Variants in ANXA11 observed in about 807,000 individuals in gnomAD.
The protein encoded by ANXA11 is 56 kDa autoantigen.
In ANXA11, 57 loss-of-function variants were observed where a neutral mutation model predicts 64.7. That is an observed-to-expected ratio of 0.88 (90% confidence interval 0.71 to 1.10). ANXA11 has a LOEUF of 1.10. Ranked by LOEUF, ANXA11 falls within the 50% of genes least tolerant of loss-of-function variation. ANXA11 has a pLI of 0.00. For missense variants in ANXA11, 675 were observed against 670.7 expected (o/e 1.01, Z -0.07); for synonymous variants, 260 against 265.2 (o/e 0.98, Z 0.19).
chr10:80,169,329 T>C lies in ANXA11; in HGVS notation c.201A>G (p.Gly67=). The part of the protein sequence containing the change: ...MAANMSGTFG[G]ANMPNLYPGA... ...CAGGGTACAGGTTGGGCATGTTGGC[T>C]CCTCCAAATGTCCCAGACATGTTGG... The change falls in exon 5 of 16, where the codon GGA becomes GGG. Residue 67 remains glycine (G), a synonymous_variant. Coordinates refer to ENST00000422982, the MANE Select transcript of ANXA11 (RefSeq NM_145868.2). The C allele has an allele frequency of 6.2e-7, 1 of 1,608,986 alleles. No homozygotes were observed. Among genetic ancestry groups the C allele is most frequent in the South Asian group, 1.1e-5 (1 of 91,022 alleles).
At chr10:80,185,322 G>A (rs1479099680) in intron 1 of ANXA11, among the ~76,000 whole-genome samples, 3 of 152,218 alleles carry the variant, frequency 2.0e-5, no homozygotes, top group Admixed American at 6.5e-5. Context: ...AGTGCTGCCC[G>A]GAATGTGTTC....
At chr10:80,193,366 A>G (rs2132487239) in intron 1 of ANXA11, among the ~76,000 whole-genome samples, 1 of 152,322 alleles carries the variant, frequency 6.6e-6, no homozygotes, top group African/African-American at 2.4e-5. Flanking sequence ...ACTCTGGAGA[A>G]AGGGAAAGAG....
Position 80,159,163 on chromosome 10 carries a change from C to T in ANXA11, c.1213G>A (p.Asp405Asn), listed in dbSNP as rs778270793. The T allele has an allele frequency of 1.2e-5, 20 of 1,614,160 alleles. No individual in the cohort carries two copies. The East Asian group carries it at 2.0e-4, about 16-fold the overall frequency. ...TCCCGGCAGATGCTCTTCTCAATGTCCCGGCCTGTCATTCTCTGGTACTCA... is the reference window on the plus strand; with the variant it reads ...TCCCGGCAGATGCTCTTCTCAATGTTCCGGCCTGTCATTCTCTGGTACTCA... Reference protein sequence around the residue: ...FNEYQRMTGRDIEKSICREMS... With the variant: ...FNEYQRMTGRNIEKSICREMS... Residue 405 changes from aspartate to asparagine, a missense_variant, in exon 13 of 16, where the codon GAC (aspartate) becomes AAC (asparagine). Physicochemically the swap from Asp to Asn is conservative, Grantham distance 23. Coordinates refer to ENST00000422982, the MANE Select transcript of ANXA11 (RefSeq NM_145868.2).
intron 1 of ANXA11, among the ~76,000 whole-genome samples, chr10:80,201,427 G>C (rs1840416709): frequency 6.6e-6 from 1 of 152,168 alleles, no homozygotes; most frequent in African/African-American, 2.4e-5. Context: ...ACAAATGTCT[G>C]TCTAGCCAAG....
In ANXA11 at chr10:80,169,357, G is replaced by T; in HGVS notation, c.173C>A (p.Ala58Glu). 6.2e-7 allele frequency: 1 copy of T among 1,604,270 alleles called. No homozygotes were observed. Among genetic ancestry groups the T allele is most frequent in the Non-Finnish European group, 8.5e-7 (1 of 1,179,748 alleles). The change falls in exon 5 of 16, where the codon GCG becomes GAG. Residue 58 changes from alanine to glutamate, a missense_variant and splice_region_variant. By Grantham distance (107) the Ala-to-Glu change is moderately radical. Transcript: ENST00000422982. Reference protein sequence around the residue: ...QFNQDYLSGMAANMSGTFGGA... With the variant: ...QFNQDYLSGMEANMSGTFGGA... ...TCCAAATGTCCCAGACATGTTGGCCGCCTGCAAGGACACAAAGCAGAGCCT... is the reference window on the plus strand; with the variant it reads ...TCCAAATGTCCCAGACATGTTGGCCTCCTGCAAGGACACAAAGCAGAGCCT...
chr10:80,157,636 C>G lies in ANXA11; in HGVS notation c.1458+5G>C, dbSNP rs748134350. On this transcript the variant is annotated splice_donor_5th_base_variant and intron_variant, in intron 15 of 15. Coordinates refer to ENST00000422982, the MANE Select transcript of ANXA11 (RefSeq NM_145868.2). Reference sequence around the variant, plus strand: ...GAGCCCAGTTGGCCTGCAGCAGGCCCGTACCGAGATGTCGTGGTACAGCGA... The same window carrying G: ...GAGCCCAGTTGGCCTGCAGCAGGCCGGTACCGAGATGTCGTGGTACAGCGA... 1.2e-6 allele frequency: 2 copies of G among 1,612,234 alleles called. No individual in the cohort carries two copies. Among genetic ancestry groups the G allele is most frequent in the Non-Finnish European group, 1.7e-6 (2 of 1,178,864 alleles).
At chr10:80,176,387 C>T (rs993167027) in intron 1 of ANXA11, among the ~76,000 whole-genome samples, 4 of 152,178 alleles carry the variant, frequency 2.6e-5, no homozygotes, top group African/African-American at 4.8e-5. Context: ...CAGAAACATA[C>T]AAACTAAGTG....
intron 1 of ANXA11, among the ~76,000 whole-genome samples, chr10:80,179,850 C>T: frequency 6.6e-6 from 1 of 152,196 alleles, no homozygotes; most frequent in East Asian, 1.9e-4. Context: ...CACTGGACCG[C>T]CCCATATGTA....
At chr10:80,168,842 T>C (rs2132410462) in intron 5 of ANXA11, 127 bp downstream of exon 5, 1 of 1,131,114 alleles carries the variant, frequency 8.8e-7, no homozygotes, top group Non-Finnish European at 1.2e-6. Flanking sequence ...CGGCCGACAC[T>C]ATTTGTTAAA....
At chr10:80,169,746 G>T (rs935123594) in intron 4 of ANXA11, among the ~76,000 whole-genome samples, 17 of 152,164 alleles carry the variant, frequency 1.1e-4, no homozygotes, top group Admixed American at 1.0e-3. Flanking sequence ...CCTCTGGCAG[G>T]CATGTTCAGG....
rs780271557 is a variant in ANXA11, at chr10:80,164,069, G to C, written c.933C>G (p.Asn311Lys). The C allele has an allele frequency of 1.9e-6, 3 of 1,614,122 alleles. No individual in the cohort carries two copies. In the South Asian group the frequency reaches 3.3e-5, roughly 18 times the overall value. The change falls in exon 9 of 16, where the codon AAC becomes AAG. Residue 311 changes from asparagine to lysine, a missense_variant. Asn to Lys is a moderately conservative substitution (Grantham distance 94). Coordinates refer to ENST00000422982, the MANE Select transcript of ANXA11 (RefSeq NM_145868.2). The part of the protein sequence containing the change: ...SRSNEHIREL[N>K]RAYKAEFKKT... ...CGGCCTCACCTGCTTTGTAGGCTCT[G>C]TTTAATTCTCGGATGTGCTCATTGC...
At chr10:80,164,499 T>C (rs1845648889) in intron 8 of ANXA11, among the ~76,000 whole-genome samples, 1 of 152,058 alleles carries the variant, frequency 6.6e-6, no homozygotes, top group African/African-American at 2.4e-5. Context: ...GGAAGCGAGA[T>C]GACAACAACT....
intron 2 of ANXA11, among the ~76,000 whole-genome samples, chr10:80,173,831 C>T (rs73299535): frequency 2.0e-5 from 3 of 152,160 alleles, no homozygotes; most frequent in African/African-American, 4.8e-5. Context: ...CTGGGTTTCA[C>T]GCTGCAATGC....
rs1402370301 is a variant in ANXA11 at position 80,169,192 on chromosome 10, G to A, written c.338C>T (p.Pro113Leu). The change falls in exon 5 of 16, where the codon CCA (proline) becomes CTA (leucine). Residue 113 changes from proline to leucine, a missense_variant. Coordinates refer to ENST00000422982, the MANE Select transcript of ANXA11 (RefSeq NM_145868.2). ...YGMYPPPGGN[P>L]PSRMPSYPPY... ...CGGATATGAGGGCATCCTGGAGGGT[G>A]GGTTTCCTCCTGGGGGTGGATACAT... 2 of 1,604,040 alleles carry A rather than the reference G, an allele frequency of 1.2e-6. No homozygotes were observed. The highest frequency in any genetic ancestry group is 3.5e-5 in the Admixed American group (2 of 57,326).
intron 1 of ANXA11, among the ~76,000 whole-genome samples, chr10:80,187,297 A>G (rs1028939431): frequency 6.6e-6 from 1 of 152,154 alleles, no homozygotes; most frequent in Non-Finnish European, 1.5e-5. Context: ...TATAAAAGAG[A>G]TCCCAGAGGG....
At chr10:80,182,599 A>G in intron 1 of ANXA11, among the ~76,000 whole-genome samples, 1 of 152,180 alleles carries the variant, frequency 6.6e-6, no homozygotes, top group South Asian at 2.1e-4. Flanking sequence ...ATAGTTATAC[A>G]TGTGCCATGG....
chr10:80,157,642 G>A lies in ANXA11; in HGVS notation c.1457C>T (p.Ser486Leu), dbSNP rs778082972. The part of the protein sequence containing the change: ...MYGKSLYHDI[S>L]GDTSGDYRKI... ...AGTTGGCCTGCAGCAGGCCCGTACC[G>A]AGATGTCGTGGTACAGCGACTTGCC... Residue 486 changes from serine (S) to leucine (L), a missense_variant and splice_region_variant, in exon 15 of 16, where the codon TCG becomes TTG. Ser to Leu is a moderately radical substitution (Grantham distance 145). Coordinates refer to ENST00000422982, the MANE Select transcript of ANXA11 (RefSeq NM_145868.2). 4.3e-5 allele frequency: 70 copies of A among 1,612,962 alleles called. No individual in the cohort carries two copies. In the Admixed American group the frequency reaches 8.8e-4, roughly 20 times the overall value.
intron 1 of ANXA11, among the ~76,000 whole-genome samples, chr10:80,204,560 C>A (rs751778216): frequency 7.4e-4 from 112 of 152,314 alleles, no homozygotes; most frequent in Non-Finnish European, 1.3e-3. Flanking sequence ...ACAGAAATGC[C>A]CCGGGCTGAC....
chr10:80,184,758 C>T (rs529073388), intron 1 of ANXA11, among the ~76,000 whole-genome samples: 1 of 152,242 alleles, frequency 6.6e-6, no homozygotes, highest in South Asian at 2.1e-4. Flanking sequence ...AACCAACCTC[C>T]CCAGGACTCT....
Sources: gnomAD v4.1 joint callset for allele counts (sites outside exome capture counted in the v4.1 genomes callset) on GRCh38, gnomAD v4.1.1 for gene constraint, MANE v1.5 for transcripts, NCBI Gene and HGNC (gene_info 2026-07-23, HGNC 2026-07-21) for gene names.